The following DMD variants were observed in gnomAD, a reference collection of about 807,000 sequenced individuals.
The protein encoded by DMD is dystrophin, also known as mutant dystrophin.
Under a neutral mutation model 330.1 loss-of-function variants are expected in DMD, and 63 were observed. The ratio of observed to expected loss-of-function variants is 0.19; its 90% CI spans 0.16 to 0.24. The LOEUF is 0.24. Among genes scored for constraint, DMD ranks in the 10% least tolerant of loss-of-function variants. The probability of loss-of-function intolerance (pLI) is 1.00; values close to 1 mark genes in which losing one functional copy is unlikely to be tolerated. For synonymous variants in DMD, 1,223 were observed against 959.8 expected (o/e 1.27, Z -5.07); for missense variants, 3,344 against 2,684.1 (o/e 1.25, Z -5.43).
At chrX:32,397,037 T>C (rs754096443) in intron 30 of DMD, among the ~76,000 whole-genome samples, 8 of 111,087 alleles carry the variant, frequency 7.2e-5, no homozygotes, top group Non-Finnish European at 1.1e-4. Flanking sequence ...AAATCACTCA[T>C]AAAAAAAGAC....
intron 45 of DMD, among the ~76,000 whole-genome samples, chrX:31,952,055 A>G (rs1165773325): frequency 2.7e-5 from 3 of 111,465 alleles, no homozygotes; most frequent in Admixed American, 1.9e-4. Context: ...ATTGTTTATG[A>G]TGAGAAATTA....
chrX:32,828,702 G>C, intron 4 of DMD, among the ~76,000 whole-genome samples: 1 of 108,234 alleles, frequency 9.2e-6, no homozygotes, highest in Middle Eastern at 4.9e-3. Context: ...ATTTTAGTAG[G>C]TGTTTCCACC....
At chrX:32,724,637 C>A (rs1159482961) in intron 7 of DMD, among the ~76,000 whole-genome samples, 1 of 111,403 alleles carries the variant, frequency 9.0e-6, no homozygotes, top group East Asian at 2.8e-4. Context: ...GCTCACATAT[C>A]CCATGGCACT....
chrX:32,889,148 C>T (rs947985057), intron 2 of DMD, among the ~76,000 whole-genome samples: 3 of 110,388 alleles, frequency 2.7e-5, no homozygotes, highest in African/African-American at 9.9e-5. Context: ...TGCAACAAGA[C>T]TCCAAAGTTA....
At chrX:31,422,018 A>T (rs181046241) in intron 60 of DMD, among the ~76,000 whole-genome samples, 520 of 35,928 alleles carry the variant, frequency 0.014, 18 homozygotes, top group African/African-American at 0.072. Context: ...TATATATATA[A>T]ACACACACAC....
chrX:32,607,342 T>G (rs761423834), intron 12 of DMD, among the ~76,000 whole-genome samples: 1 of 110,662 alleles, frequency 9.0e-6, no homozygotes, highest in South Asian at 3.7e-4. Flanking sequence ...TTCTAATAAC[T>G]TGGTAATCAC....
At chrX:33,124,477 A>G (rs1405845753) in intron 1 of DMD, among the ~76,000 whole-genome samples, 6 of 2,894 alleles carry the variant, frequency 2.1e-3, no homozygotes, top group Admixed American at 5.9e-3. Flanking sequence ...ACTCTGTCTG[A>G]AAAAAAAAAA....
At chrX:31,312,297 G>T (rs2055583665) in intron 62 of DMD, among the ~76,000 whole-genome samples, 1 of 111,890 alleles carries the variant, frequency 8.9e-6, no homozygotes, top group South Asian at 3.7e-4. Context: ...GTGGGCAAAG[G>T]ATATGAACAG....
intron 61 of DMD, among the ~76,000 whole-genome samples, chrX:31,329,410 G>A (rs2056972074): frequency 9.0e-6 from 1 of 111,719 alleles, no homozygotes; most frequent in South Asian, 3.8e-4. Context: ...GATGGGCCTT[G>A]CAGACATGCT....
At chrX:33,083,995 C>A (rs2094968221) in intron 1 of DMD, among the ~76,000 whole-genome samples, 1 of 111,512 alleles carries the variant, frequency 9.0e-6, no homozygotes, top group Non-Finnish European at 1.9e-5. Context: ...AATCCAGACA[C>A]CCCAAAACGG....
At chrX:31,477,796 TACACACACACACACAC>T (rs10597133) in intron 59 of DMD, among the ~76,000 whole-genome samples, 1 of 99,297 alleles carries the variant, frequency 1.0e-5, no homozygotes, top group Non-Finnish European at 2.0e-5. Context: ...AATACACCAA[TACACACACACACACAC>T]ACACACACAC....
chrX:32,095,383 A>C (rs1455792551), intron 44 of DMD, among the ~76,000 whole-genome samples: 1 of 111,926 alleles, frequency 8.9e-6, no homozygotes, highest in Non-Finnish European at 1.9e-5. Context: ...CATTGATAAA[A>C]TTATTTTCAG....
intron 7 of DMD, among the ~76,000 whole-genome samples, chrX:32,735,222 C>G (rs1278892840): frequency 9.2e-6 from 1 of 108,724 alleles, no homozygotes; most frequent in African/African-American, 3.5e-5. Flanking sequence ...TGTGAAGGAC[C>G]TCTTCGAGGA....
chrX:32,991,614 G>T (rs961541138), intron 2 of DMD, among the ~76,000 whole-genome samples: 1 of 111,082 alleles, frequency 9.0e-6, no homozygotes, highest in Non-Finnish European at 1.9e-5. Flanking sequence ...CACAAGTCTA[G>T]AATTTAATTA....
At chrX:31,927,167 T>A (rs1417899481) in intron 47 of DMD, among the ~76,000 whole-genome samples, 1 of 112,398 alleles carries the variant, frequency 8.9e-6, no homozygotes, top group African/African-American at 3.2e-5. Context: ...GACTAATGAA[T>A]AAAATTCCAA....
intron 25 of DMD, among the ~76,000 whole-genome samples, chrX:32,461,315 T>A (rs1352175527): frequency 9.0e-6 from 1 of 111,157 alleles, no homozygotes; most frequent in Non-Finnish European, 1.9e-5. Context: ...TACCGCATCG[T>A]CTTCTTCTTC....
At chrX:32,663,891 G>A (rs2061112775) in intron 9 of DMD, among the ~76,000 whole-genome samples, 1 of 111,650 alleles carries the variant, frequency 9.0e-6, no homozygotes, top group African/African-American at 3.3e-5. Flanking sequence ...TATGACTGCG[G>A]TGGAATGAGA....
At chrX:32,635,767 A>C (rs1365989698) in intron 11 of DMD, among the ~76,000 whole-genome samples, 1 of 111,939 alleles carries the variant, frequency 8.9e-6, no homozygotes, top group East Asian at 2.8e-4. Context: ...GTGAAATATA[A>C]GCTTTAAAGC....
chrX:32,914,724 A>T (rs1394163510), intron 2 of DMD, among the ~76,000 whole-genome samples: 1 of 112,854 alleles, frequency 8.9e-6, no homozygotes, highest in African/African-American at 3.2e-5. Flanking sequence ...AACGACTGCT[A>T]CACAAAACAA....
Sources: allele counts gnomAD v4.1 joint callset (sites outside exome capture counted in the v4.1 genomes callset), GRCh38; gene constraint gnomAD v4.1.1; transcripts MANE v1.5; gene names NCBI Gene and HGNC (gene_info 2026-07-23, HGNC 2026-07-21).